The following NINL variants were observed in gnomAD, a reference collection of about 807,000 sequenced individuals.
NINL encodes ninein-like protein.
Under a neutral mutation model 160.3 loss-of-function variants are expected in NINL, and 153 were observed. The observed-to-expected ratio is 0.95, with a 90% confidence interval of 0.84 to 1.09. NINL has a LOEUF of 1.09. Ranked by LOEUF, NINL falls within the 50% of genes least tolerant of loss-of-function variation. The probability of loss-of-function intolerance (pLI) is 0.00; values close to 1 mark genes in which losing one functional copy is unlikely to be tolerated. For missense variants in NINL, 1,829 were observed against 1,764.0 expected, an observed-to-expected ratio of 1.04 and a Z score of -0.66; for synonymous variants, 800 against 734.8, an observed-to-expected ratio of 1.09 and a Z score of -1.43.
intron 2 of NINL, among the ~76,000 whole-genome samples, chr20:25,522,613 C>T (rs146727268): frequency 8.6e-4 from 131 of 152,282 alleles, no homozygotes; most frequent in Middle Eastern, 6.8e-3. Context: ...AAATACTAAA[C>T]GAATGATGAA....
chr20:25,551,134 T>C (rs969325689), intron 1 of NINL, among the ~76,000 whole-genome samples: 1 of 152,126 alleles, frequency 6.6e-6, no homozygotes, highest in African/African-American at 2.4e-5. Flanking sequence ...AAGCACATCT[T>C]GCACAGCCCT....
intron 1 of NINL, among the ~76,000 whole-genome samples, chr20:25,581,410 C>A: frequency 6.7e-6 from 1 of 149,898 alleles, no homozygotes; most frequent in Non-Finnish European, 1.5e-5. Context: ...CCACTGCACT[C>A]CAACCTGGGT....
chr20:25,570,720 A>C (rs1600362550), intron 1 of NINL, among the ~76,000 whole-genome samples: 1 of 19,360 alleles, frequency 5.2e-5, no homozygotes, highest in Admixed American at 6.2e-4. Context: ...TTTTTTTTTG[A>C]GAAGGAGTTG....
intron 1 of NINL, among the ~76,000 whole-genome samples, chr20:25,570,999 C>G (rs1213572280): frequency 6.6e-6 from 1 of 151,982 alleles, no homozygotes; most frequent in East Asian, 1.9e-4. Context: ...CCAGCCAAAT[C>G]CTGGGCAAGT....
intron 1 of NINL, among the ~76,000 whole-genome samples, chr20:25,582,233 G>A (rs1420726052): frequency 5.3e-5 from 8 of 152,130 alleles, no homozygotes; most frequent in Admixed American, 3.9e-4. Context: ...CCAGCCTGGC[G>A]ACAGAGCGAG....
At position 25,476,558 on chromosome 20, in the gene NINL, G is replaced by A. The variant is rs529547390; in HGVS notation, c.2733C>T (p.Pro911=). Residue 911 remains proline (P), a synonymous_variant, in exon 17 of 24, where the codon CCC becomes CCT. Coordinates refer to ENST00000278886, the MANE Select transcript of NINL (RefSeq NM_025176.6). The part of the protein sequence containing the change: ...GPSERWSRMQ[P]CGVDGDIVPK... Reference sequence around the variant, plus strand: ...GGACAATATCCCCATCCACTCCACAGGGCTGCATGCGTGACCACCTCTCTG... The same window carrying A: ...GGACAATATCCCCATCCACTCCACAAGGCTGCATGCGTGACCACCTCTCTG... 9.3e-5 allele frequency: 148 copies of A among 1,599,860 alleles called. No individual in the cohort carries two copies. In the East Asian group the frequency reaches 2.7e-3, roughly 29 times the overall value.
intron 1 of NINL, among the ~76,000 whole-genome samples, chr20:25,574,719 A>G (rs1351791310): frequency 6.6e-6 from 1 of 152,180 alleles, no homozygotes; most frequent in Non-Finnish European, 1.5e-5. Context: ...AGAGGTGCAG[A>G]CAGAAATCCA....
At chr20:25,553,103 G>GTTTTTTTTT (rs760131174) in intron 1 of NINL, among the ~76,000 whole-genome samples, 11 of 58,034 alleles carry the variant, frequency 1.9e-4, no homozygotes, top group South Asian at 4.7e-4. Flanking sequence ...ACCCTTGTTG[G>GTTTTTTTTT]GTTTTTTTTT....
intron 3 of NINL, among the ~76,000 whole-genome samples, chr20:25,516,020 C>A (rs938462247): frequency 1.3e-5 from 2 of 152,032 alleles, no homozygotes; most frequent in African/African-American, 4.8e-5. Flanking sequence ...GTGATCTGCC[C>A]GCCTCAGCCT....
chr20:25,529,333 C>T (rs1280501756), intron 1 of NINL, among the ~76,000 whole-genome samples: 1 of 152,002 alleles, frequency 6.6e-6, no homozygotes. Context: ...AGAAGGTGAA[C>T]ACATCTGACC....
intron 22 of NINL, among the ~76,000 whole-genome samples, chr20:25,456,923 C>A (rs532235988): frequency 2.8e-4 from 43 of 151,868 alleles, no homozygotes; most frequent in African/African-American, 9.4e-4. Context: ...CAGAGTAAGA[C>A]TCTATCTCAA....
At chr20:25,456,116 A>G (rs1418058825) in intron 22 of NINL, among the ~76,000 whole-genome samples, 1 of 151,312 alleles carries the variant, frequency 6.6e-6, no homozygotes, top group African/African-American at 2.4e-5. Flanking sequence ...GGTAGCGTGC[A>G]CCTGTAGTCC....
At chr20:25,546,730 A>G (rs1453987110) in intron 1 of NINL, among the ~76,000 whole-genome samples, 2 of 151,914 alleles carry the variant, frequency 1.3e-5, no homozygotes, top group Non-Finnish European at 2.9e-5. Context: ...ACATGTGGAG[A>G]GATGCTCCAC....
intron 18 of NINL, among the ~76,000 whole-genome samples, chr20:25,468,752 TC>T (rs1211468441): frequency 4.9e-5 from 6 of 122,610 alleles, no homozygotes; most frequent in Admixed American, 4.3e-4. Context: ...CCCTGCCCTG[TC>T]CCCCGACTCT....
chr20:25,548,335 C>T (rs1426221911), intron 1 of NINL, among the ~76,000 whole-genome samples: 2 of 152,210 alleles, frequency 1.3e-5, no homozygotes, highest in Non-Finnish European at 2.9e-5. Context: ...GCCTTCTGGG[C>T]TCCCCTCACC....
chr20:25,524,904 AAT>A (rs35820142), intron 2 of NINL, among the ~76,000 whole-genome samples: 2,728 of 145,350 alleles, frequency 0.019, 81 homozygotes, highest in African/African-American at 0.057. Context: ...CTCAAATTAA[AAT>A]ATATATATAT....
At chr20:25,542,818 G>A (rs898806091) in intron 1 of NINL, among the ~76,000 whole-genome samples, 10 of 142,140 alleles carry the variant, frequency 7.0e-5, no homozygotes, top group Admixed American at 1.5e-4. Flanking sequence ...ATCATTTGAG[G>A]TCATGAGTTC....
At chr20:25,519,774 C>A (rs977419297) in intron 2 of NINL, among the ~76,000 whole-genome samples, 1 of 151,548 alleles carries the variant, frequency 6.6e-6, no homozygotes, top group African/African-American at 2.4e-5. Context: ...CCCAGCACTT[C>A]GGGAGGCAGA....
chr20:25,458,651 C>G, intron 21 of NINL, 122 bp from the exon 22 acceptor site: 1 of 1,010,790 alleles, frequency 9.9e-7, no homozygotes, highest in African/African-American at 1.6e-5. Flanking sequence ...CCCGAGTATG[C>G]AGCAGCACCT....
Sources: allele counts gnomAD v4.1 joint callset (sites outside exome capture counted in the v4.1 genomes callset), GRCh38; gene constraint gnomAD v4.1.1; transcripts MANE v1.5; gene names NCBI Gene and HGNC (gene_info 2026-07-23, HGNC 2026-07-21).